Variants in RHCE observed in about 807,000 individuals in gnomAD.
RHCE encodes the protein blood group Rh(CE) polypeptide.
Under a neutral mutation model 43.8 loss-of-function variants are expected in RHCE, and 22 were observed. The observed-to-expected ratio is 0.50, with a 90% CI of 0.36 to 0.72. The LOEUF (loss-of-function observed/expected upper bound fraction) is 0.72, where lower values mean the gene tolerates loss of function less well. Ranked by LOEUF, RHCE falls within the 30% of genes least tolerant of loss-of-function variation. RHCE has a pLI of 0.00. For missense variants in RHCE, 385 were observed against 525.4 expected, an observed-to-expected ratio of 0.73 and a Z score of 2.61; for synonymous variants, 156 against 210.7, an observed-to-expected ratio of 0.74 and a Z score of 2.25.
chr1:25,396,543 G>A (rs891051496), intron 3 of RHCE, among the ~76,000 whole-genome samples: 15 of 152,286 alleles, frequency 9.8e-5, no homozygotes, highest in African/African-American at 2.2e-4. Context: ...TGGCATGGCC[G>A]GAGAGGCCTC....
rs1383416024 is a variant in RHCE, at chr1:25,379,483, ATATATATATATATTTTTTTTTTTT to A, written c.1074-4079_1074-4056del. 8.5e-3 allele frequency among the ~76,000 whole-genome samples: 164 copies of A among 19,364 alleles called. 1 individual carries two copies. The highest frequency in any genetic ancestry group is 0.043 in the African/African-American group (115 of 2,676). The allele number at this position is 19,364 out of a possible 152,430, so 12.7% of individuals were successfully genotyped here. A position where few individuals can be genotyped will look rare whatever the true frequency, so the allele number is the denominator to read the frequency against. ...TATATATATATATATATATATATATATATATATATATATTTTTTTTTTTTTTTTTTTTTTTTTTAAAGATGGGAT... is the reference window on the plus strand; with the variant it reads ...TATATATATATATATATATATATATATTTTTTTTTTTTTTAAAGATGGGAT... On this transcript the variant is annotated intron_variant, in intron 7 of 9. Coordinates refer to ENST00000294413, the MANE Select transcript of RHCE (RefSeq NM_020485.8).
rs1369214221 is a variant in RHCE at position 25,406,188 on chromosome 1, G to A, written c.335+2495C>T. 1.6e-5 allele frequency among the ~76,000 whole-genome samples: 2 copies of A among 122,066 alleles called. 1 individual carries two copies. The highest frequency in any genetic ancestry group is 3.7e-5 in the Non-Finnish European group (2 of 53,424). 80.1% of individuals were successfully genotyped at this position (122,066 alleles called of 152,430 possible). The stretch of plus-strand genomic sequence containing the variant: ...CCACCACCATTTGAATTCCCCCCAG[G>A]GTGCCCTTTGTCACTTTCCAGGTGG... On this transcript the variant is annotated intron_variant, in intron 2 of 9. Transcript: ENST00000294413.
intron 3 of RHCE, among the ~76,000 whole-genome samples, chr1:25,392,355 A>G (rs1646399343): frequency 6.6e-6 from 1 of 152,100 alleles, no homozygotes; most frequent in African/African-American, 2.4e-5. Context: ...TTTGCCTCCC[A>G]GGTTCACGCG....
chr1:25,386,629 T>G (rs373133696), intron 6 of RHCE, among the ~76,000 whole-genome samples: 2 of 152,192 alleles, frequency 1.3e-5, no homozygotes, highest in Non-Finnish European at 2.9e-5. Context: ...AAGACCAGCA[T>G]GGCCAACATG....
intron 2 of RHCE, among the ~76,000 whole-genome samples, chr1:25,405,508 C>T (rs1414200316): frequency 6.6e-6 from 1 of 151,810 alleles, no homozygotes; most frequent in African/African-American, 2.4e-5. Flanking sequence ...CAAAAATTAG[C>T]CGGGCATGGT....
intron 1 of RHCE, among the ~76,000 whole-genome samples, chr1:25,414,255 T>C (rs1433652578): frequency 6.6e-6 from 1 of 151,952 alleles, no homozygotes; most frequent in Admixed American, 6.6e-5. Flanking sequence ...AGCTGCCTCC[T>C]CCGGTCAGCT....
At chr1:25,399,425 G>T (rs1195539194) in intron 3 of RHCE, among the ~76,000 whole-genome samples, 1 of 151,962 alleles carries the variant, frequency 6.6e-6, no homozygotes, top group Non-Finnish European at 1.5e-5. Context: ...GAGTTAATGG[G>T]GTTGCCTCCC....
chr1:25,399,210 C>G, intron 3 of RHCE: 1 of 916,980 alleles, frequency 1.1e-6, no homozygotes, highest in South Asian at 1.3e-5. Flanking sequence ...ACCTTTTTGA[C>G]TTCCTACTTT....
At chr1:25,425,442 C>G (rs2042798431), upstream of RHCE, among the ~76,000 whole-genome samples, 1 of 152,190 alleles carries the variant, frequency 6.6e-6, no homozygotes, top group Admixed American at 6.5e-5. Flanking sequence ...GAGGTGGGAC[C>G]TAACCCAGAT....
chr1:25,418,580 G>A (rs2124543782), intron 1 of RHCE, among the ~76,000 whole-genome samples: 1 of 152,382 alleles, frequency 6.6e-6, no homozygotes, highest in East Asian at 1.9e-4. Flanking sequence ...TGGGATTACA[G>A]GTGTCAGCTA....
intron 1 of RHCE, among the ~76,000 whole-genome samples, chr1:25,413,118 A>G (rs945601419): frequency 1.2e-4 from 19 of 152,240 alleles, no homozygotes; most frequent in Admixed American, 1.1e-3. Flanking sequence ...GATTCCAGGT[A>G]TATGCGCTCA....
chr1:25,386,695 G>A (rs1217015161), intron 6 of RHCE, among the ~76,000 whole-genome samples: 8 of 152,116 alleles, frequency 5.3e-5, no homozygotes, highest in African/African-American at 9.7e-5. Flanking sequence ...GGTGGAGGGC[G>A]CCTGTAGTCC....
upstream of RHCE, among the ~76,000 whole-genome samples, chr1:25,422,884 G>A (rs80051338): frequency 8.5e-5 from 13 of 152,256 alleles, no homozygotes; most frequent in East Asian, 1.9e-3. Context: ...CCTCTCATGC[G>A]CGGTTCCCAA....
chr1:25,408,969 T>A, intron 1 of RHCE, 100 bp from the exon 2 acceptor site: 1 of 746,702 alleles, frequency 1.3e-6, no homozygotes, highest in African/African-American at 1.6e-5. Context: ...GGAAGGGGCA[T>A]GCAAGATCGT....
At chr1:25,390,580 CT>C (rs975255846) in intron 5 of RHCE, among the ~76,000 whole-genome samples, 168 bp downstream of exon 5, 10 of 152,252 alleles carry the variant, frequency 6.6e-5, no homozygotes, top group African/African-American at 9.6e-5. Flanking sequence ...CCCAGGCCCC[CT>C]GTGACCACCC....
chr1:25,429,417 T>TGCTGGGATTACAG (rs1170933474), intron 1 of RHCE, among the ~76,000 whole-genome samples: 1 of 152,128 alleles, frequency 6.6e-6, no homozygotes, highest in Non-Finnish European at 1.5e-5. Context: ...CCTCCCAAAG[T>TGCTGGGATTACAG]GCTGGGATTA....
At chr1:25,429,892 G>C (rs1195768019) in intron 1 of RHCE, 1 of 152,048 alleles carries the variant, frequency 6.6e-6, no homozygotes, top group Non-Finnish European at 1.5e-5. Context: ...CCATACGTAC[G>C]TGGCAGGGGA....
At chr1:25,416,822 G>GC (rs1439726981) in intron 1 of RHCE, among the ~76,000 whole-genome samples, 2 of 148,774 alleles carry the variant, frequency 1.3e-5, no homozygotes, top group Admixed American at 6.7e-5. Flanking sequence ...GAGATGGCGG[G>GC]GGGGGGTCTC....
chr1:25,423,672 C>T (rs2124556236), upstream of RHCE, among the ~76,000 whole-genome samples: 1 of 152,352 alleles, frequency 6.6e-6, no homozygotes, highest in Middle Eastern at 3.4e-3. Flanking sequence ...CATTTTCTGA[C>T]TACATTTCCC....
Sources: gnomAD v4.1 joint callset for allele counts (sites outside exome capture counted in the v4.1 genomes callset) on GRCh38, gnomAD v4.1.1 for gene constraint, MANE v1.5 for transcripts, NCBI Gene and HGNC (gene_info 2026-07-23, HGNC 2026-07-21) for gene names.